TMED8: variants seen among roughly 807,000 people sequenced by gnomAD.
TMED8 encodes the protein protein TMED8.
Under a neutral mutation model 32.7 loss-of-function variants are expected in TMED8, and 15 were observed. That is an observed-to-expected ratio of 0.46 (90% CI 0.31 to 0.71). The LOEUF (loss-of-function observed/expected upper bound fraction) is 0.71, where lower values mean the gene tolerates loss of function less well. Ranked by LOEUF, TMED8 falls within the 30% of genes least tolerant of loss-of-function variation. The pLI is 0.06. For synonymous variants in TMED8, 147 were observed against 161.4 expected (o/e 0.91, Z 0.68); for missense variants, 390 against 423.9 (o/e 0.92, Z 0.70).
At position 77,341,556 on chromosome 14, in the gene TMED8, G is replaced by A. The variant is rs1327893202; in HGVS notation, c.*215C>T. On this transcript the variant is annotated 3_prime_UTR_variant, in exon 6 of 6. Transcript: ENST00000216468. ...CTGGAGTCTGAAGCAAGAAGGGTATGAGTCAGGGACTACAGAACAGGGGCA... is the reference window on the plus strand; with the variant it reads ...CTGGAGTCTGAAGCAAGAAGGGTATAAGTCAGGGACTACAGAACAGGGGCA... 2 of 584,632 alleles carry A rather than the reference G, an allele frequency of 3.4e-6. No individual in the cohort carries two copies. Among genetic ancestry groups the A allele is most frequent in the African/African-American group, 1.9e-5 (1 of 53,510 alleles). 36.2% of individuals were successfully genotyped at this position (584,632 alleles called of 1,614,324 possible).
rs759347333 is a variant in TMED8, at chr14:77,351,760, C to G, written c.119-9G>C. 6.2e-7 allele frequency: 1 copy of G among 1,602,976 alleles called. No individual in the cohort carries two copies. The highest frequency in any genetic ancestry group is 2.2e-5 in the East Asian group (1 of 44,652). The stretch of plus-strand genomic sequence containing the variant: ...TTCTAGATCTTCATTCTCTAGAAAA[C>G]CATAGAAAGAAAGAATTCAATATCT... On this transcript the variant is annotated splice_polypyrimidine_tract_variant and intron_variant, in intron 1 of 5. Transcript: ENST00000216468.
intron 1 of TMED8, among the ~76,000 whole-genome samples, chr14:77,354,320 A>G (rs1893243477): frequency 6.6e-6 from 1 of 152,222 alleles, no homozygotes; most frequent in Admixed American, 6.5e-5. Flanking sequence ...AACTTTTTCT[A>G]AGCCCACTCT....
intron 3 of TMED8, among the ~76,000 whole-genome samples, chr14:77,345,631 GC>G (rs1893007341): frequency 7.1e-6 from 1 of 140,534 alleles, no homozygotes; most frequent in Non-Finnish European, 1.5e-5. Context: ...TCGCACTGAA[GC>G]CGGGTGACAG....
At chr14:77,350,121 G>C (rs1893145721) in intron 2 of TMED8, among the ~76,000 whole-genome samples, 1 of 152,078 alleles carries the variant, frequency 6.6e-6, no homozygotes, top group South Asian at 2.1e-4. Context: ...TTCTGTGTGG[G>C]GGATTTTTGT....
At chr14:77,358,843 T>C (rs1055372420) in intron 1 of TMED8, among the ~76,000 whole-genome samples, 1 of 152,204 alleles carries the variant, frequency 6.6e-6, no homozygotes, top group Non-Finnish European at 1.5e-5. Context: ...TACATATAGT[T>C]GTATGTTGCC....
intron 1 of TMED8, among the ~76,000 whole-genome samples, chr14:77,352,469 T>C (rs1210784382): frequency 6.6e-6 from 1 of 151,020 alleles, no homozygotes; most frequent in African/African-American, 2.4e-5. Context: ...CCAGGCACGG[T>C]GGCTCACACT....
At position 77,376,182 on chromosome 14, in the gene TMED8, C is replaced by T. The variant is rs1309429373; in HGVS notation, c.118+754G>A. 1.3e-5 allele frequency among the ~76,000 whole-genome samples: 2 copies of T among 152,186 alleles called. No individual in the cohort carries two copies. Among genetic ancestry groups the T allele is most frequent in the Admixed American group, 6.5e-5 (1 of 15,274 alleles). On this transcript the variant is annotated intron_variant, in intron 1 of 5. Coordinates refer to ENST00000216468, the MANE Select transcript of TMED8 (RefSeq NM_213601.3). The surrounding 1 kb of genome is among the most constrained non-coding windows in gnomAD (Gnocchi z 4.0). ...ATGGATGGACTCTTTTGTCTTTGGA[C>T]ACTGAAATAATACACACGGAGGAAC... is the stretch of plus-strand genomic sequence containing the variant.
At chr14:77,372,940 ATATATATATATATTTTTTT>A (rs1893720108) in intron 1 of TMED8, among the ~76,000 whole-genome samples, 1 of 26,446 alleles carries the variant, frequency 3.8e-5, no homozygotes, top group Non-Finnish European at 6.1e-5. Context: ...ATATATATAT[ATATATATATATATTTTTTT>A]TTTTTTTTTT....
At chr14:77,374,433 G>A (rs763187822) in intron 1 of TMED8, among the ~76,000 whole-genome samples, 5 of 152,216 alleles carry the variant, frequency 3.3e-5, no homozygotes, top group Non-Finnish European at 2.9e-5. Context: ...CTTGCAGGAT[G>A]TTTAGCAAAC....
chr14:77,353,194 T>G (rs1566688253), intron 1 of TMED8, among the ~76,000 whole-genome samples: 2 of 152,212 alleles, frequency 1.3e-5, no homozygotes. Flanking sequence ...AACACCCAGA[T>G]AGCATATGGT....
Position 77,343,290 on chromosome 14 carries a change from G to A in TMED8, c.648C>T (p.Gly216=). ...GGGTCCAGTCAAAATAAACTCCAAA[G>A]CCAATGTCATAGTCATCGGTCGCAA... ...WEFATDDYDI[G]FGVYFDWTPV... Residue 216 remains glycine, a synonymous_variant, in exon 5 of 6, where the codon GGC becomes GGT. Coordinates refer to ENST00000216468, the MANE Select transcript of TMED8 (RefSeq NM_213601.3). The A allele has an allele frequency of 6.2e-7, 1 of 1,614,166 alleles. No homozygotes were observed.
At chr14:77,342,057 A>G in intron 5 of TMED8, 69 bp from the exon 6 acceptor site, 1 of 1,395,774 alleles carries the variant, frequency 7.2e-7, no homozygotes. Context: ...CGGAAGGACC[A>G]GGTGACCCAG....
At chr14:77,356,709 T>C (rs1452905173) in intron 1 of TMED8, among the ~76,000 whole-genome samples, 1 of 152,214 alleles carries the variant, frequency 6.6e-6, no homozygotes, top group Non-Finnish European at 1.5e-5. Flanking sequence ...TTTCTCCAAG[T>C]TGTCTCCCAG....
chr14:77,352,921 T>C (rs1191412087), intron 1 of TMED8, among the ~76,000 whole-genome samples: 3 of 151,570 alleles, frequency 2.0e-5, no homozygotes, highest in Admixed American at 2.0e-4. Flanking sequence ...TAAAGGACTT[T>C]TGTATTTTCA....
At chr14:77,372,909 TATATATATATATATATATATATA>T (rs1893706499) in intron 1 of TMED8, among the ~76,000 whole-genome samples, 6 of 8,040 alleles carry the variant, frequency 7.5e-4, no homozygotes, top group South Asian at 4.0e-3. Context: ...ACAGATATTA[TATATATATATATATATATATATA>T]TATATATATA....
chr14:77,337,577 G>C lies in TMED8; in HGVS notation c.*4194C>G, dbSNP rs150457360. 1 of 152,122 alleles carries C rather than the reference G, an allele frequency of 6.6e-6. No homozygotes were observed. 9.4% of individuals were successfully genotyped at this position (152,122 alleles called of 1,614,324 possible). On this transcript the variant is annotated 3_prime_UTR_variant, in exon 6 of 6. Transcript: ENST00000216468. ...GCTAATTTTTTGTATTTTTAGTAGC[G>C]ACGGAGTTTCACTATGTTGGCCAGG...
intron 1 of TMED8, among the ~76,000 whole-genome samples, chr14:77,360,886 T>C (rs571394513): frequency 2.0e-5 from 3 of 152,248 alleles, no homozygotes; most frequent in African/African-American, 7.2e-5. Context: ...GCATTTCCCT[T>C]GTGACTACTG....
At chr14:77,355,380 G>A (rs1461936801) in intron 1 of TMED8, among the ~76,000 whole-genome samples, 1 of 151,998 alleles carries the variant, frequency 6.6e-6, no homozygotes, top group Non-Finnish European at 1.5e-5. Context: ...ATTTTTAGTA[G>A]AGATGGGTTT....
chr14:77,360,973 C>CTTTTTTTTTTT (rs71128616), intron 1 of TMED8, among the ~76,000 whole-genome samples: 1 of 85,492 alleles, frequency 1.2e-5, no homozygotes, highest in Non-Finnish European at 2.2e-5. Context: ...GATCCTTTGC[C>CTTTTTTTTTTT]TTTTTTTTTT....
Sources: gnomAD v4.1 joint callset for allele counts (sites outside exome capture counted in the v4.1 genomes callset) on GRCh38, gnomAD v4.1.1 for gene constraint, Gnocchi (gnomAD v3.1) non-coding constraint, MANE v1.5 for transcripts, NCBI Gene and HGNC (gene_info 2026-07-23, HGNC 2026-07-21) for gene names.